Variants in MPG observed in about 807,000 individuals in gnomAD.
The protein encoded by MPG is N-methylpurine DNA glycosylase.
In MPG, 33 loss-of-function variants were observed where a neutral mutation model predicts 31.7. That is an observed-to-expected ratio of 1.04 (90% CI 0.79 to 1.39). The LOEUF (loss-of-function observed/expected upper bound fraction) is 1.39, where lower values mean the gene tolerates loss of function less well. Ranked by LOEUF, MPG falls within the 40% of genes most tolerant of loss-of-function variation. The pLI is 0.00. For missense variants in MPG, 455 were observed against 415.5 expected, an observed-to-expected ratio of 1.10 and a Z score of -0.83; for synonymous variants, 202 against 169.2, an observed-to-expected ratio of 1.19 and a Z score of -1.51.
In MPG at chr16:78,226, G is replaced by C; in HGVS notation, c.-84G>C. 1 of 1,295,890 alleles carries C rather than the reference G, an allele frequency of 7.7e-7. No homozygotes were observed. The highest frequency in any genetic ancestry group is 1.0e-6 in the Non-Finnish European group (1 of 996,176). 80.3% of individuals were successfully genotyped at this position (1,295,890 alleles called of 1,614,324 possible). A position where few individuals can be genotyped will look rare whatever the true frequency, so the allele number is the denominator to read the frequency against. ...TCTGCGCAGGCGCCGCTCCGCCCCG[G>C]TCCTAGGGGTGCTTCCGTGGTCGGC... On this transcript the variant is annotated 5_prime_UTR_variant, in exon 1 of 4. Coordinates refer to ENST00000356432, the MANE Select transcript of MPG (RefSeq NM_001015052.3).
At chr16:84,861 C>G (rs971291817) in intron 3 of MPG, among the ~76,000 whole-genome samples, 3 of 152,218 alleles carry the variant, frequency 2.0e-5, no homozygotes, top group Non-Finnish European at 4.4e-5. Context: ...AAGCCAACTC[C>G]TAGCCCCCAC....
chr16:78,815 G>A (rs1242105107), intron 1 of MPG, among the ~76,000 whole-genome samples: 1 of 152,210 alleles, frequency 6.6e-6, no homozygotes, highest in Non-Finnish European at 1.5e-5. Context: ...GTGGGAGGCT[G>A]GCGGCCTGCT....
At chr16:79,256 T>C in intron 1 of MPG, 169 bp from the exon 2 acceptor site, 1 of 1,553,456 alleles carries the variant, frequency 6.4e-7, no homozygotes, top group Non-Finnish European at 8.7e-7. Context: ...AGGCCTCGAG[T>C]GTGTCAGGGT....
chr16:79,535 T>A lies in MPG; in HGVS notation c.135T>A (p.Asp45Glu). 1 of 1,612,888 alleles carries A rather than the reference T, an allele frequency of 6.2e-7. No homozygotes were observed. Among genetic ancestry groups the A allele is most frequent in the Non-Finnish European group, 8.5e-7 (1 of 1,179,966 alleles). The change falls in exon 2 of 4, where the codon GAT becomes GAA. Residue 45 changes from aspartate (D) to glutamate (E), a missense_variant. Physicochemically the swap from Asp to Glu is conservative, Grantham distance 45 (BLOSUM62 2). Transcript: ENST00000356432. ...APAEQPHSSS[D>E]AAQAPCPRER... ...CAGAGCAGCCACACAGCTCGTCCGA[T>A]GCAGCCCAGGCACCTTGCCCCAGGG...
chr16:79,726 C>T (rs1271189926), intron 2 of MPG, 26 bp downstream of exon 2: 2 of 1,533,770 alleles, frequency 1.3e-6, no homozygotes, highest in Non-Finnish European at 8.8e-7. Flanking sequence ...CAGCGAGGGC[C>T]CTCCTGAAGT....
intron 2 of MPG, 88 bp from the exon 3 acceptor site, chr16:82,964 G>C: frequency 1.6e-6 from 2 of 1,218,252 alleles, no homozygotes; most frequent in Admixed American, 2.3e-5. Context: ...CACACCCTGA[G>C]CTGGGGAGAT....
At chr16:85,326 G>C in intron 3 of MPG, 75 bp from the exon 4 acceptor site, 1 of 1,487,886 alleles carries the variant, frequency 6.7e-7, no homozygotes, top group Non-Finnish European at 9.0e-7. Context: ...TGCAGCACAG[G>C]ATGTCTGGAT....
chr16:79,132 TC>T, intron 1 of MPG: 1 of 1,489,782 alleles, frequency 6.7e-7, no homozygotes, highest in East Asian at 2.5e-5. Context: ...CCCCATCTGC[TC>T]CCCAGGTCAT....
At position 85,614 on chromosome 16, in the gene MPG, A is replaced by C. The variant is rs1391882485; in HGVS notation, c.719A>C (p.Glu240Ala). Residue 240 changes from glutamate (E) to alanine (A), a missense_variant, in exon 4 of 4, where the codon GAG becomes GCG. By Grantham distance (107) the Glu-to-Ala change is moderately radical. Transcript: ENST00000356432. ...GCACAGGATGAAGCTGTATGGCTGG[A>C]GCGTGGTCCCCTGGAGCCCAGTGAG... is the stretch of plus-strand genomic sequence containing the variant. ...DLAQDEAVWL[E>A]RGPLEPSEPA... 1 of 1,605,906 alleles carries C rather than the reference A, an allele frequency of 6.2e-7. No individual in the cohort carries two copies. The highest frequency in any genetic ancestry group is 1.7e-5 in the Admixed American group (1 of 59,614).
intron 2 of MPG, 53 bp from the exon 3 acceptor site, chr16:82,999 G>A: frequency 6.7e-7 from 1 of 1,484,530 alleles, no homozygotes; most frequent in Non-Finnish European, 9.2e-7. Flanking sequence ...GCACTGTTAG[G>A]GTGAGTGGAC....
In MPG at chr16:80,894, G is replaced by A. The variant is rs2858056; in HGVS notation, c.300+1194G>A. On this transcript the variant is annotated intron_variant, in intron 2 of 3. Coordinates refer to ENST00000356432, the MANE Select transcript of MPG (RefSeq NM_001015052.3). Reference sequence around the variant, plus strand: ...TGCGTCGTAGGAACAGGGCAAGGGCGCAGCATGGCATCAGGGACCACAATA... The same window carrying A: ...TGCGTCGTAGGAACAGGGCAAGGGCACAGCATGGCATCAGGGACCACAATA... Among the ~76,000 whole-genome samples, 35 of 152,282 alleles carry A rather than the reference G, an allele frequency of 2.3e-4. No individual in the cohort carries two copies. The South Asian group carries it at 6.8e-3, about 30-fold the overall frequency.
In MPG at chr16:79,458, C is replaced by A. The variant is rs767030532; in HGVS notation, c.58C>A (p.Pro20Thr). 8 of 1,613,048 alleles carry A rather than the reference C, an allele frequency of 5.0e-6. No individual in the cohort carries two copies. The highest frequency in any genetic ancestry group is 6.8e-6 in the Non-Finnish European group (8 of 1,180,030). Residue 20 changes from proline to threonine, a missense_variant, in exon 2 of 4, where the codon CCA (proline) becomes ACA (threonine). Coordinates refer to ENST00000356432, the MANE Select transcript of MPG (RefSeq NM_001015052.3). ...ACGGATGGGGCAAAAGAAGCAGCGACCAGCTAGAGCAGGGCAGCCACACAG... is the reference window on the plus strand; with the variant it reads ...ACGGATGGGGCAAAAGAAGCAGCGAACAGCTAGAGCAGGGCAGCCACACAG... ...CRRMGQKKQR[P>T]ARAGQPHSSS...
In MPG at chr16:79,422, C is replaced by T. The variant is rs1468374600; in HGVS notation, c.25-3C>T. On this transcript the variant is annotated splice_polypyrimidine_tract_variant and splice_region_variant and intron_variant, in intron 1 of 3. Transcript: ENST00000356432. ...TGCTTATTTATTTTTTTTCCCATTA[C>T]AGTTTTGCCGACGGATGGGGCAAAA... 3 of 1,613,308 alleles carry T rather than the reference C, an allele frequency of 1.9e-6. No homozygotes were observed. Among genetic ancestry groups the T allele is most frequent in the South Asian group, 1.1e-5 (1 of 91,090 alleles).
rs750955474 is a variant in MPG, at chr16:83,233, T to A, written c.482T>A (p.Phe161Tyr). Reference protein sequence around the residue: ...LYVYIIYGMYFCMNISSQGDG... With the variant: ...LYVYIIYGMYYCMNISSQGDG... The stretch of plus-strand genomic sequence containing the variant: ...GTGTACATCATTTACGGCATGTACT[T>A]CTGCATGAACATCTCCAGCCAGGGT... Residue 161 changes from phenylalanine (F) to tyrosine (Y), a missense_variant, in exon 3 of 4, where the codon TTC (phenylalanine) becomes TAC (tyrosine). Coordinates refer to ENST00000356432, the MANE Select transcript of MPG (RefSeq NM_001015052.3). 15 of 1,612,454 alleles carry A rather than the reference T, an allele frequency of 9.3e-6. No homozygotes were observed. The highest frequency in any genetic ancestry group is 1.3e-5 in the Non-Finnish European group (15 of 1,179,620).
In MPG at chr16:79,203, C is replaced by T. The variant is rs150622521; in HGVS notation, c.25-222C>T. ...TATGTGGGGCAGAGCAGCCACCCTG[C>T]CCCCAGCAGCAGCCGTCCATCGTCA... On this transcript the variant is annotated intron_variant, in intron 1 of 3. Coordinates refer to ENST00000356432, the MANE Select transcript of MPG (RefSeq NM_001015052.3). The T allele has an allele frequency of 9.4e-4, 1,452 of 1,549,206 alleles. 19 individuals are homozygous for T. In the Admixed American group the frequency reaches 0.021, roughly 23 times the overall value.
At position 83,156 on chromosome 16, in the gene MPG, C is replaced by A. The variant is rs748772652; in HGVS notation, c.405C>A (p.Gly135=). The change falls in exon 3 of 4, where the codon GGC becomes GGA. Residue 135 remains glycine (G), a synonymous_variant. Coordinates refer to ENST00000356432, the MANE Select transcript of MPG (RefSeq NM_001015052.3). ...PEDEAAHSRG[G]RQTPRNRGMF... is the part of the protein sequence containing the mutation. ...ATGAAGCCGCCCACTCAAGGGGTGGCCGGCAGACCCCCCGCAACCGAGGCA... is the reference window on the plus strand; with the variant it reads ...ATGAAGCCGCCCACTCAAGGGGTGGACGGCAGACCCCCCGCAACCGAGGCA... 4 of 1,613,092 alleles carry A rather than the reference C, an allele frequency of 2.5e-6. No individual in the cohort carries two copies. Among genetic ancestry groups the A allele is most frequent in the Admixed American group, 1.7e-5 (1 of 59,998 alleles).
intron 3 of MPG, chr16:84,442 C>G (rs1061435): frequency 6.6e-6 from 1 of 151,780 alleles, no homozygotes; most frequent in African/African-American, 2.4e-5. Flanking sequence ...TTGGCCACCT[C>G]CAGGCTAAGC....
At chr16:77,168 G>A (rs1338799439), upstream of MPG, 2 of 152,422 alleles carry the variant, frequency 1.3e-5, no homozygotes, top group African/African-American at 2.4e-5. Context: ...CAAAGCTCAG[G>A]AAAAGCCCCT....
At chr16:79,374 C>A (rs1388536320) in intron 1 of MPG, 51 bp from the exon 2 acceptor site, 2 of 1,613,956 alleles carry the variant, frequency 1.2e-6, no homozygotes, top group South Asian at 2.2e-5. Context: ...CTGACCTTAC[C>A]ACACAGCTGT....
Sources: allele counts gnomAD v4.1 joint callset (sites outside exome capture counted in the v4.1 genomes callset), GRCh38; gene constraint gnomAD v4.1.1; transcripts MANE v1.5; gene names NCBI Gene and HGNC (gene_info 2026-07-23, HGNC 2026-07-21).